The following ABR variants were observed in gnomAD, a reference collection of about 807,000 sequenced individuals.
ABR encodes the protein active breakpoint cluster region-related protein.
ABR carries 35 observed loss-of-function variants against 107.2 expected under a neutral mutation model. The observed-to-expected ratio is 0.33, with a 90% CI of 0.25 to 0.43. The LOEUF (loss-of-function observed/expected upper bound fraction) is 0.43. Ranked by LOEUF, ABR falls within the 20% of genes least tolerant of loss-of-function variation. The probability of loss-of-function intolerance (pLI) is 1.00; values close to 1 mark genes in which losing one functional copy is unlikely to be tolerated. For synonymous variants in ABR, 498 were observed against 462.0 expected, an observed-to-expected ratio of 1.08 and a Z score of -1.00; for missense variants, 815 against 1,115.2, an observed-to-expected ratio of 0.73 and a Z score of 3.83.
chr17:1,195,632 G>A (rs866279302), intron 1 of ABR, among the ~76,000 whole-genome samples: 2,409 of 150,824 alleles, frequency 0.016, 60 homozygotes, highest in African/African-American at 0.049. Context: ...GTGAAACCCC[G>A]TCTCTACTAA....
At chr17:1,019,155 G>A (rs571140061) in intron 16 of ABR, among the ~76,000 whole-genome samples, 75 of 152,236 alleles carry the variant, frequency 4.9e-4, no homozygotes, top group African/African-American at 1.7e-3. Flanking sequence ...CATCACTTCC[G>A]CTCCAGCTGC....
chr17:1,046,734 C>G (rs1183099214), intron 16 of ABR, among the ~76,000 whole-genome samples: 3 of 152,210 alleles, frequency 2.0e-5, no homozygotes, highest in African/African-American at 4.8e-5. Flanking sequence ...GGACATGGCA[C>G]AGAGGAGGGA....
At position 1,028,345 on chromosome 17, in the gene ABR, C is replaced by T. The variant is rs9896132; in HGVS notation, c.1792-15181G>A. Among the ~76,000 whole-genome samples, 88 of 152,022 alleles carry T rather than the reference C, an allele frequency of 5.8e-4. 1 individual carries two copies. The highest frequency in any genetic ancestry group is 8.9e-4 in the African/African-American group (37 of 41,452). On this transcript the variant is annotated intron_variant, in intron 16 of 22. Transcript: ENST00000302538. Reference sequence around the variant, plus strand: ...AACGCCTGACCTCAGGTGATCCACCCGCCTCTGCCTCCCAAAGTGCTGGGA... The same window carrying T: ...AACGCCTGACCTCAGGTGATCCACCTGCCTCTGCCTCCCAAAGTGCTGGGA...
chr17:1,228,459 G>A (rs1567907742), intron 1 of ABR, among the ~76,000 whole-genome samples: 1 of 152,248 alleles, frequency 6.6e-6, no homozygotes, highest in Non-Finnish European at 1.5e-5. Context: ...GCACCCGGTG[G>A]CGCCAAGGGA....
intron 18 of ABR, 182 bp from the exon 19 acceptor site, chr17:1,012,167 G>T (rs761682177): frequency 3.1e-6 from 3 of 977,360 alleles, no homozygotes; most frequent in Non-Finnish European, 3.1e-6. Flanking sequence ...CCCACCCGAG[G>T]CCTGCCGAAG....
intron 16 of ABR, among the ~76,000 whole-genome samples, chr17:1,024,024 CAAAAAAAAA>C (rs11334940): frequency 0.029 from 1,379 of 47,746 alleles, 43 homozygotes; most frequent in African/African-American, 0.098. Flanking sequence ...GACTCCATCT[CAAAAAAAAA>C]AAAAAAAAAA....
At chr17:1,219,850 G>A (rs1216985704) in intron 1 of ABR, among the ~76,000 whole-genome samples, 1 of 151,370 alleles carries the variant, frequency 6.6e-6, no homozygotes, top group Non-Finnish European at 1.5e-5. Flanking sequence ...GGACCAGTCA[G>A]AGCCTCAGTC....
intron 16 of ABR, 136 bp downstream of exon 16, chr17:1,049,914 C>T (rs555799984): frequency 7.9e-7 from 1 of 1,259,504 alleles, no homozygotes; most frequent in South Asian, 1.5e-5. Context: ...GAGGGGAGAA[C>T]CACCTCCTGG....
chr17:1,114,128 C>T (rs1013997583), intron 2 of ABR, among the ~76,000 whole-genome samples: 4 of 145,578 alleles, frequency 2.7e-5, no homozygotes, highest in Non-Finnish European at 6.0e-5. Context: ...TGTGTTTGTG[C>T]TACTGTGTTC....
intron 7 of ABR, among the ~76,000 whole-genome samples, chr17:1,073,088 G>A (rs917085776): frequency 2.7e-5 from 4 of 150,054 alleles, no homozygotes; most frequent in Non-Finnish European, 5.9e-5. Context: ...GCTGAGGCAG[G>A]AGAATTGCTT....
chr17:1,085,873 G>A (rs565212264), intron 4 of ABR, among the ~76,000 whole-genome samples: 31 of 152,266 alleles, frequency 2.0e-4, no homozygotes, highest in Admixed American at 4.6e-4. Flanking sequence ...GGGGCCAGGC[G>A]CGGTGGCTCA....
chr17:1,012,289 C>CA lies in ABR; in HGVS notation c.1962-305dup, dbSNP rs1186440904. On this transcript the variant is annotated intron_variant, in intron 18 of 22. Transcript: ENST00000302538. Reference sequence around the variant, plus strand: ...AGATGCTTGTAGGAGGCCCAGCAGGCAGCCCACATGAGGAGGTGGGTCAGG... The same window carrying CA: ...AGATGCTTGTAGGAGGCCCAGCAGGCAAGCCCACATGAGGAGGTGGGTCAGG... The CA allele has an allele frequency of 4.7e-6, 3 of 642,984 alleles. No individual in the cohort carries two copies. In the Admixed American group the frequency reaches 6.3e-5, roughly 13 times the overall value. 39.8% of individuals were successfully genotyped at this position (642,984 alleles called of 1,614,324 possible). A position where few individuals can be genotyped will look rare whatever the true frequency, so the allele number is the denominator to read the frequency against.
chr17:1,125,405 C>T (rs775167861), intron 1 of ABR, 38 bp from the exon 2 acceptor site: 38 of 1,606,802 alleles, frequency 2.4e-5, no homozygotes, highest in Non-Finnish European at 3.0e-5. Context: ...GAGAATCCTC[C>T]ACCAGAGCTG....
intron 10 of ABR, among the ~76,000 whole-genome samples, chr17:1,062,309 C>G (rs377747681): frequency 8.2e-4 from 110 of 133,722 alleles, no homozygotes; most frequent in African/African-American, 2.8e-3. Context: ...TATGCATGTT[C>G]CTCCAGACAC....
chr17:1,091,020 G>A (rs370277945), intron 4 of ABR, among the ~76,000 whole-genome samples: 15 of 152,302 alleles, frequency 9.8e-5, no homozygotes, highest in African/African-American at 3.4e-4. Flanking sequence ...CCCAACACGA[G>A]GTCTGCATGT....
Position 1,011,918 on chromosome 17 carries a change from C to T in ABR, c.2029G>A (p.Glu677Lys), listed in dbSNP as rs370318024. The change falls in exon 19 of 23, where the codon GAG becomes AAG. Residue 677 changes from glutamate (E) to lysine (K), a missense_variant. Coordinates refer to ENST00000302538, the MANE Select transcript of ABR (RefSeq NM_021962.5). This position sits in a 1 kb window ranked among gnomAD's most constrained non-coding sequence, Gnocchi z 4.8. Reference protein sequence around the residue: ...CVEEVEKRGIEEVGIYRISGV... With the variant: ...CVEEVEKRGIKEVGIYRISGV... ...GATATCCTGTAGATGCCAACCTCCT[C>T]GATACCCCTCTTCTCCACCTCCTCC... is the stretch of plus-strand genomic sequence containing the variant. The T allele has an allele frequency of 1.0e-4, 164 of 1,612,432 alleles. No homozygotes were observed. Among genetic ancestry groups the T allele is most frequent in the South Asian group, 2.1e-4 (19 of 90,996 alleles).
intron 21 of ABR, among the ~76,000 whole-genome samples, chr17:1,008,054 T>C (rs2663342): frequency 0.46 from 70,459 of 152,064 alleles, 16,662 homozygotes; most frequent in Non-Finnish European, 0.49. Flanking sequence ...CGGAAGGGTC[T>C]GCCTCATGGG....
chr17:1,121,967 A>G (rs1296086265), intron 2 of ABR, among the ~76,000 whole-genome samples: 1 of 152,138 alleles, frequency 6.6e-6, no homozygotes, highest in East Asian at 1.9e-4. Flanking sequence ...CAGTGGCAAG[A>G]TCTCGGCTCG....
intron 1 of ABR, among the ~76,000 whole-genome samples, chr17:1,195,101 A>G (rs1188892340): frequency 1.1e-4 from 16 of 141,190 alleles, no homozygotes; most frequent in Admixed American, 2.9e-4. Flanking sequence ...AGGTCAGGAG[A>G]TCGAGACCAT....
Sources: allele counts gnomAD v4.1 joint callset (sites outside exome capture counted in the v4.1 genomes callset), GRCh38; gene constraint gnomAD v4.1.1; non-coding constraint Gnocchi (gnomAD v3.1); transcripts MANE v1.5; gene names NCBI Gene and HGNC (gene_info 2026-07-23, HGNC 2026-07-21).